Variants in DNAH9 observed in about 807,000 individuals in gnomAD.
DNAH9 encodes dynein axonemal heavy chain 9.
In DNAH9, 345 loss-of-function variants were observed where a neutral mutation model predicts 471.6. The ratio of observed to expected loss-of-function variants is 0.73; its 90% confidence interval spans 0.67 to 0.80. The LOEUF (loss-of-function observed/expected upper bound fraction) is 0.80. Ranked by LOEUF, DNAH9 falls within the 30% of genes least tolerant of loss-of-function variation. The pLI is 0.00. For missense variants in DNAH9, 5,407 were observed against 5,609.2 expected, an observed-to-expected ratio of 0.96 and a Z score of 1.15; for synonymous variants, 2,093 against 2,123.6, an observed-to-expected ratio of 0.99 and a Z score of 0.40.
chr17:11,936,091 ACT>A (rs1433606163), intron 65 of DNAH9, among the ~76,000 whole-genome samples: 1 of 151,708 alleles, frequency 6.6e-6, no homozygotes, highest in African/African-American at 2.4e-5. Flanking sequence ...ACTGAGGTAC[ACT>A]CTCTTTCTTA....
chr17:11,816,123 C>T (rs1175883141), intron 45 of DNAH9, among the ~76,000 whole-genome samples: 1 of 152,152 alleles, frequency 6.6e-6, no homozygotes, highest in African/African-American at 2.4e-5. Flanking sequence ...ATGAGTTCCC[C>T]ATATTCCTAC....
At chr17:11,882,542 A>G (rs1331237270) in intron 55 of DNAH9, among the ~76,000 whole-genome samples, 2 of 152,158 alleles carry the variant, frequency 1.3e-5, no homozygotes, top group Non-Finnish European at 2.9e-5. Flanking sequence ...TTCATTGAAC[A>G]GATACCTAGG....
At chr17:11,909,547 C>A (rs750555437) in intron 61 of DNAH9, among the ~76,000 whole-genome samples, 12 of 152,322 alleles carry the variant, frequency 7.9e-5, no homozygotes, top group African/African-American at 1.2e-4. Flanking sequence ...TCTTGACCAA[C>A]CTGGTGCTCC....
At chr17:11,656,367 G>A (rs2073647892) in intron 14 of DNAH9, among the ~76,000 whole-genome samples, 1 of 151,968 alleles carries the variant, frequency 6.6e-6, no homozygotes, top group African/African-American at 2.4e-5. Flanking sequence ...ATCTTCTTTT[G>A]AGAATTGTCT....
Position 11,957,248 on chromosome 17 carries a change from T to C in DNAH9, c.12844-4619T>C, listed in dbSNP as rs569363955. 7.2e-5 allele frequency among the ~76,000 whole-genome samples: 11 copies of C among 152,144 alleles called. No homozygotes were observed. In the South Asian group the frequency reaches 2.3e-3, roughly 32 times the overall value. ...AAATAGCCCATATGTGTTTAAAAAA[T>C]TGAATTCATGACTTAAAATTTCCCA... On this transcript the variant is annotated intron_variant, in intron 67 of 68. Coordinates refer to ENST00000262442, the MANE Select transcript of DNAH9 (RefSeq NM_001372.4).
intron 49 of DNAH9, among the ~76,000 whole-genome samples, chr17:11,849,091 C>T (rs1971322754): frequency 6.6e-6 from 1 of 152,212 alleles, no homozygotes; most frequent in Non-Finnish European, 1.5e-5. Context: ...CTGCCTTGGC[C>T]TCCCAAAGTG....
intron 38 of DNAH9, among the ~76,000 whole-genome samples, chr17:11,771,310 G>A (rs1007777835): frequency 2.5e-4 from 38 of 152,190 alleles, no homozygotes; most frequent in African/African-American, 8.4e-4. Context: ...TGGATTTTTA[G>A]TGGAGACAGG....
At chr17:11,944,452 C>T (rs1282380020) in intron 67 of DNAH9, among the ~76,000 whole-genome samples, 4 of 152,044 alleles carry the variant, frequency 2.6e-5, no homozygotes, top group African/African-American at 9.7e-5. Context: ...GGCAGGGGCT[C>T]CTAGAGGCAC....
At chr17:11,887,717 A>T (rs550190960) in intron 57 of DNAH9, among the ~76,000 whole-genome samples, 1 of 147,806 alleles carries the variant, frequency 6.8e-6, no homozygotes, top group African/African-American at 2.5e-5. Context: ...AGACACATGG[A>T]GATTTCACAT....
At position 11,654,129 on chromosome 17, in the gene DNAH9, G is replaced by A. The variant is rs1284505698; in HGVS notation, c.2595+1127G>A. ...CCAGCACTTTGGGAGGCCGAGGCGG[G>A]CGGATCACGAGGTCAGGAGATCGAG... On this transcript the variant is annotated intron_variant, in intron 14 of 68. Coordinates refer to ENST00000262442, the MANE Select transcript of DNAH9 (RefSeq NM_001372.4). Among the ~76,000 whole-genome samples the A allele has an allele frequency of 1.6e-5, 2 of 125,830 alleles. 1 individual carries two copies. Among genetic ancestry groups the A allele is most frequent in the Non-Finnish European group, 3.5e-5 (2 of 56,514 alleles). The allele number at this position is 125,830 out of a possible 152,430, so 82.5% of individuals were successfully genotyped here.
At chr17:11,836,036 A>C (rs898222279) in intron 49 of DNAH9, among the ~76,000 whole-genome samples, 1 of 152,202 alleles carries the variant, frequency 6.6e-6, no homozygotes, top group African/African-American at 2.4e-5. Context: ...TATTAAGCTC[A>C]CTGAGTAGTC....
chr17:11,659,192 C>T (rs1414056192), intron 14 of DNAH9, among the ~76,000 whole-genome samples: 2 of 152,016 alleles, frequency 1.3e-5, no homozygotes, highest in African/African-American at 4.8e-5. Context: ...TTGCCTAACA[C>T]CTTTATTAGT....
intron 61 of DNAH9, among the ~76,000 whole-genome samples, chr17:11,921,416 G>A (rs149500015): frequency 1.7e-3 from 253 of 152,076 alleles, no homozygotes; most frequent in East Asian, 0.016. Context: ...GACGCACACC[G>A]TAAAGATGTT....
intron 36 of DNAH9, among the ~76,000 whole-genome samples, 172 bp from the exon 37 acceptor site, chr17:11,768,281 G>A (rs1319235816): frequency 6.6e-6 from 1 of 152,190 alleles, no homozygotes; most frequent in Non-Finnish European, 1.5e-5. Context: ...GGCTTGGTCA[G>A]GGTTGACCCT....
chr17:11,699,970 C>T, intron 23 of DNAH9, 87 bp downstream of exon 23: 2 of 1,381,906 alleles, frequency 1.4e-6, no homozygotes, highest in South Asian at 2.6e-5. Flanking sequence ...CTAGGAGGGC[C>T]TTTCTGACCT....
At chr17:11,928,698 C>G (rs1400645573) in intron 62 of DNAH9, among the ~76,000 whole-genome samples, 5 of 152,216 alleles carry the variant, frequency 3.3e-5, no homozygotes, top group African/African-American at 9.6e-5. Context: ...GCAGCAATGA[C>G]TCAGTGTGTT....
intron 29 of DNAH9, 105 bp from the exon 30 acceptor site, chr17:11,742,070 C>G: frequency 2.0e-6 from 2 of 1,007,768 alleles, no homozygotes; most frequent in Non-Finnish European, 3.0e-6. Flanking sequence ...TTTGCACTCA[C>G]AGATGCCTCC....
intron 30 of DNAH9, among the ~76,000 whole-genome samples, chr17:11,744,339 A>G (rs1216120664): frequency 6.6e-6 from 1 of 152,144 alleles, no homozygotes; most frequent in Non-Finnish European, 1.5e-5. Flanking sequence ...CACTGTGACC[A>G]GGGGGTTCAT....
At chr17:11,821,884 G>A in intron 45 of DNAH9, 36 bp from the exon 46 acceptor site, 2 of 1,592,404 alleles carry the variant, frequency 1.3e-6, no homozygotes, top group Non-Finnish European at 1.7e-6. Flanking sequence ...TTAACGAGAT[G>A]CCAAGGCTGC....
Sources: gnomAD v4.1 joint callset for allele counts (sites outside exome capture counted in the v4.1 genomes callset) on GRCh38, gnomAD v4.1.1 for gene constraint, MANE v1.5 for transcripts, NCBI Gene and HGNC (gene_info 2026-07-23, HGNC 2026-07-21) for gene names.